Variants in TEX11 observed in about 807,000 individuals in gnomAD.
The protein encoded by TEX11 is testis expressed 11, also known as testis-expressed protein 11.
TEX11 carries 7 observed loss-of-function variants against 84.4 expected under a neutral mutation model. The observed-to-expected ratio is 0.08, with a 90% confidence interval of 0.05 to 0.16. The LOEUF is 0.16. Ranked by LOEUF, TEX11 falls within the 10% of genes least tolerant of loss-of-function variation. The pLI is 1.00. For missense variants in TEX11, 551 were observed against 660.5 expected, an observed-to-expected ratio of 0.83 and a Z score of 1.82; for synonymous variants, 264 against 222.8, an observed-to-expected ratio of 1.18 and a Z score of -1.64.
intron 14 of TEX11, 125 bp from the exon 15 acceptor site, chrX:70,679,014 G>C (rs906583238): frequency 1.8e-5 from 10 of 551,708 alleles, no homozygotes; most frequent in Non-Finnish European, 2.8e-5. Context: ...CTCTGATGCC[G>C]AGCTGAAGCT....
chrX:70,605,559 C>G, intron 23 of TEX11, 42 bp from the exon 24 acceptor site: 1 of 926,327 alleles, frequency 1.1e-6, no homozygotes, highest in South Asian at 2.2e-5. Flanking sequence ...AGTGAGAATT[C>G]TGCCAGGTGA....
intron 22 of TEX11, 47 bp downstream of exon 22, chrX:70,609,044 T>C (rs2089229103): frequency 9.5e-7 from 1 of 1,050,019 alleles, no homozygotes; most frequent in Admixed American, 2.5e-5. Flanking sequence ...ATCTGTCTAA[T>C]TCCACCACCC....
chrX:70,704,027 C>G (rs760990163), intron 13 of TEX11, among the ~76,000 whole-genome samples: 1 of 110,232 alleles, frequency 9.1e-6, no homozygotes, highest in South Asian at 3.9e-4. Context: ...CCCTTTGGTG[C>G]TATTCTCATG....
chrX:70,824,274 A>G (rs974580888), intron 8 of TEX11, among the ~76,000 whole-genome samples: 6 of 112,139 alleles, frequency 5.4e-5, no homozygotes, highest in Admixed American at 2.9e-4. Context: ...TAATGCAGCC[A>G]GAAACTCAGA....
At chrX:70,511,289 T>G in the TEX11 span, among the ~76,000 whole-genome samples, 3 of 112,740 alleles carry the variant, frequency 2.7e-5, no homozygotes, top group Non-Finnish European at 3.7e-5. Flanking sequence ...CTGTTATATT[T>G]GGCACTGTCA....
At chrX:70,766,209 C>T (rs1286637652) in intron 9 of TEX11, among the ~76,000 whole-genome samples, 2 of 110,917 alleles carry the variant, frequency 1.8e-5, no homozygotes, top group Non-Finnish European at 3.8e-5. Context: ...GTCAGGAGTT[C>T]CAGAACAACC....
chrX:70,558,303 A>G (rs1385431199), intron 25 of TEX11, among the ~76,000 whole-genome samples: 1 of 111,777 alleles, frequency 8.9e-6, no homozygotes, highest in Admixed American at 9.5e-5. Flanking sequence ...AAAAGGGGCA[A>G]AGACCATCCA....
At chrX:70,845,255 G>A (rs1010251078) in intron 7 of TEX11, among the ~76,000 whole-genome samples, 2 of 110,509 alleles carry the variant, frequency 1.8e-5, no homozygotes, top group African/African-American at 3.3e-5. Flanking sequence ...TCTGTCTCCC[G>A]AATTCAAGCG....
At chrX:70,606,267 T>C (rs929714546) in intron 23 of TEX11, among the ~76,000 whole-genome samples, 2 of 112,109 alleles carry the variant, frequency 1.8e-5, no homozygotes, top group African/African-American at 6.5e-5. Flanking sequence ...ATAGTCTTTA[T>C]AGTTCTTTCT....
chrX:70,761,098 G>T (rs1321801235), intron 9 of TEX11, among the ~76,000 whole-genome samples: 2 of 111,565 alleles, frequency 1.8e-5, no homozygotes, highest in Non-Finnish European at 3.8e-5. Flanking sequence ...ATCACTAAAA[G>T]GTCAGGAAAC....
chrX:70,607,609 T>C (rs750853096), intron 22 of TEX11, among the ~76,000 whole-genome samples: 3 of 110,730 alleles, frequency 2.7e-5, no homozygotes, highest in African/African-American at 3.3e-5. Context: ...TTGACACTAA[T>C]CTATCTAAAA....
At chrX:70,750,933 A>AAAATATATAT (rs1390175136) in intron 9 of TEX11, among the ~76,000 whole-genome samples, 33 of 28,182 alleles carry the variant, frequency 1.2e-3, no homozygotes, top group East Asian at 5.3e-3. Context: ...AAAAAAAAAA[A>AAAATATATAT]ATATATATAT....
the TEX11 span, among the ~76,000 whole-genome samples, chrX:70,512,548 C>T: frequency 1.8e-5 from 2 of 108,215 alleles, no homozygotes; most frequent in Non-Finnish European, 3.8e-5. Context: ...TTATTCCCTC[C>T]TTTGGAATCT....
chrX:70,870,350 T>C lies in TEX11; in HGVS notation c.244+2873A>G, dbSNP rs182292850. 1.8e-4 allele frequency among the ~76,000 whole-genome samples: 20 copies of C among 110,949 alleles called. No individual in the cohort carries two copies. The East Asian group carries it at 5.7e-3, about 32-fold the overall frequency. On this transcript the variant is annotated intron_variant, in intron 4 of 29. Coordinates refer to ENST00000374333, the MANE Select transcript of TEX11 (RefSeq NM_031276.3). Reference sequence around the variant, plus strand: ...TATCCTGTAGAATTTTTTTTTGTTTTTATGAGAGGGAGTCTTGCTCTGTTG... The same window carrying C: ...TATCCTGTAGAATTTTTTTTTGTTTCTATGAGAGGGAGTCTTGCTCTGTTG...
rs1323780348 is a variant in TEX11 at position 70,651,540 on chromosome X, C to T, written c.1393G>A (p.Val465Met). Reference sequence around the variant, plus strand: ...GGGTCATGTCGTTCAGCTTCTGCCACTGCCTCTTTGGCCTGGAAAGAAAAA... The same window carrying T: ...GGGTCATGTCGTTCAGCTTCTGCCATTGCCTCTTTGGCCTGGAAAGAAAAA... ...LQQLDKAKEA[V>M]AEAERHDPRN... The change falls in exon 17 of 30, where the codon GTG becomes ATG. Residue 465 changes from valine to methionine, a missense_variant. Val to Met is a conservative substitution (Grantham distance 21, BLOSUM62 1). Transcript: ENST00000374333. 1 of 1,203,183 alleles carries T rather than the reference C, an allele frequency of 8.3e-7. No homozygotes were observed. The highest frequency in any genetic ancestry group is 3.0e-5 in the East Asian group (1 of 33,701).
At chrX:70,676,087 G>A (rs970035678) in intron 15 of TEX11, among the ~76,000 whole-genome samples, 11 of 111,627 alleles carry the variant, frequency 9.9e-5, no homozygotes. Flanking sequence ...TGCTTTTTAA[G>A]GCTAAGTAAT....
Position 70,642,538 on chromosome X carries a change from G to T in TEX11, c.1483+8912C>A, listed in dbSNP as rs753903586. 4.8e-5 allele frequency among the ~76,000 whole-genome samples: 5 copies of T among 103,496 alleles called. No homozygotes were observed. The South Asian group carries it at 2.4e-3, about 50-fold the overall frequency. 89.9% of individuals were successfully genotyped at this position (103,496 alleles called of 115,157 possible). A position where few individuals can be genotyped will look rare whatever the true frequency, so the allele number is the denominator to read the frequency against. On this transcript the variant is annotated intron_variant, in intron 17 of 29. Coordinates refer to ENST00000374333, the MANE Select transcript of TEX11 (RefSeq NM_031276.3). ...ATCCTCAATAAAATACTGGCAAACC[G>T]AATCCAGCAGCACATCAAAAAGCTT...
intron 9 of TEX11, among the ~76,000 whole-genome samples, chrX:70,763,371 C>A (rs2090920855): frequency 9.0e-6 from 1 of 111,099 alleles, no homozygotes; most frequent in Non-Finnish European, 1.9e-5. Context: ...TATCTTCTCA[C>A]TTATAAGTGG....
chrX:70,716,507 G>T (rs951625043), intron 13 of TEX11, among the ~76,000 whole-genome samples: 1 of 112,216 alleles, frequency 8.9e-6, no homozygotes, highest in African/African-American at 3.2e-5. Context: ...CCCTCCCCCA[G>T]CCTCGCTGCT....
Sources: allele counts gnomAD v4.1 joint callset (sites outside exome capture counted in the v4.1 genomes callset), GRCh38; gene constraint gnomAD v4.1.1; transcripts MANE v1.5; gene names NCBI Gene and HGNC (gene_info 2026-07-23, HGNC 2026-07-21).